The following TMEM170B variants were observed in gnomAD, a reference collection of about 807,000 sequenced individuals.
TMEM170B encodes transmembrane protein 170B.
TMEM170B carries 6 observed loss-of-function variants against 13.0 expected under a neutral mutation model. The observed-to-expected ratio is 0.46, with a 90% CI of 0.25 to 0.91. TMEM170B has a LOEUF of 0.91. Among genes scored for constraint, TMEM170B ranks in the 40% least tolerant of loss-of-function variants. The probability of loss-of-function intolerance (pLI) is 0.17; values close to 1 mark genes in which losing one functional copy is unlikely to be tolerated. For synonymous variants in TMEM170B, 61 were observed against 64.9 expected (o/e 0.94, Z 0.29); for missense variants, 138 against 165.2 (o/e 0.84, Z 0.90).
At position 11,542,489 on chromosome 6, in the gene TMEM170B, AGGACTGAGGCG is replaced by A. The variant is rs368699511; in HGVS notation, c.97+4125_97+4135del. On this transcript the variant is annotated intron_variant, in intron 1 of 2. Coordinates refer to ENST00000379426, the MANE Select transcript of TMEM170B (RefSeq NM_001100829.3). ...AAGGATATGCCGAACATCCCAAACT[AGGACTGAGGCG>A]GGACTGAGGACCATGGGAACCTCTA... Among the ~76,000 whole-genome samples the A allele has an allele frequency of 2.4e-3, 371 of 152,308 alleles. 2 individuals are homozygous for A. Among genetic ancestry groups the A allele is most frequent in the African/African-American group, 8.3e-3 (347 of 41,586 alleles).
Position 11,577,757 on chromosome 6 carries a change from A to G in TMEM170B, c.*2196A>G, listed in dbSNP as rs1480701005. ...ATTGAACGGTTAATAATTAGTTTGT[A>G]GAGTGTCCTGCAGTTATTATCAAGT... On this transcript the variant is annotated 3_prime_UTR_variant, in exon 3 of 3. Transcript: ENST00000379426. 1 of 151,954 alleles carries G rather than the reference A, an allele frequency of 6.6e-6. No individual in the cohort carries two copies. Among genetic ancestry groups the G allele is most frequent in the African/African-American group, 2.4e-5 (1 of 41,384 alleles). The allele number at this position is 151,954 out of a possible 1,614,324, so 9.4% of individuals were successfully genotyped here. A position where few individuals can be genotyped will look rare whatever the true frequency, so the allele number is the denominator to read the frequency against.
rs1759907642 is a variant in TMEM170B at position 11,578,413 on chromosome 6, C to A, written c.*2852C>A. ...ATATTGTTTATAGTGAAATCAGCTC[C>A]CCAAAGAAGGAACTCCTACATGCCC... On this transcript the variant is annotated 3_prime_UTR_variant, in exon 3 of 3. Coordinates refer to ENST00000379426, the MANE Select transcript of TMEM170B (RefSeq NM_001100829.3). 1 of 151,932 alleles carries A rather than the reference C, an allele frequency of 6.6e-6. No homozygotes were observed. Among genetic ancestry groups the A allele is most frequent in the African/African-American group, 2.4e-5 (1 of 41,356 alleles). The allele number at this position is 151,932 out of a possible 1,614,324, so 9.4% of individuals were successfully genotyped here.
chr6:11,559,970 AAAT>A (rs1056750412), intron 1 of TMEM170B, among the ~76,000 whole-genome samples: 2 of 151,856 alleles, frequency 1.3e-5, no homozygotes, highest in African/African-American at 4.8e-5. Flanking sequence ...AGGATTAAAA[AAAT>A]AGTCTAATGA....
chr6:11,561,090 G>A (rs559484827), intron 1 of TMEM170B, among the ~76,000 whole-genome samples: 2 of 152,314 alleles, frequency 1.3e-5, no homozygotes, highest in South Asian at 4.1e-4. Flanking sequence ...ATTATAGACA[G>A]TCTTGAGTGG....
chr6:11,571,460 G>A (rs1408976296), intron 2 of TMEM170B, among the ~76,000 whole-genome samples: 4 of 151,972 alleles, frequency 2.6e-5, no homozygotes, highest in Non-Finnish European at 4.4e-5. Flanking sequence ...GTTCCCCTTC[G>A]TTCTTGTAGT....
At chr6:11,554,872 G>T (rs1582141387) in intron 1 of TMEM170B, among the ~76,000 whole-genome samples, 6 of 152,196 alleles carry the variant, frequency 3.9e-5, no homozygotes, top group African/African-American at 1.4e-4. Context: ...TATTAAATGT[G>T]GTTGCCAGTT....
intron 1 of TMEM170B, among the ~76,000 whole-genome samples, chr6:11,558,636 C>T (rs16871460): frequency 0.058 from 8,794 of 152,228 alleles, 277 homozygotes; most frequent in East Asian, 0.16. Flanking sequence ...ATCGCACCTC[C>T]AACATGATTA....
chr6:11,581,056 G>C lies in TMEM170B; in HGVS notation c.*5495G>C, dbSNP rs1341331099. ...GGGGAAATAATGCTTAATATCTGAA[G>C]TATTTTCAGTAAATGTGGAGATATA... On this transcript the variant is annotated 3_prime_UTR_variant, in exon 3 of 3. Coordinates refer to ENST00000379426, the MANE Select transcript of TMEM170B (RefSeq NM_001100829.3). 6.6e-6 allele frequency: 1 copy of C among 152,100 alleles called. No homozygotes were observed. The highest frequency in any genetic ancestry group is 6.6e-5 in the Admixed American group (1 of 15,264). The allele number at this position is 152,100 out of a possible 1,614,324, so 9.4% of individuals were successfully genotyped here. A position where few individuals can be genotyped will look rare whatever the true frequency, so the allele number is the denominator to read the frequency against.
rs1447787739 is a variant in TMEM170B at position 11,576,656 on chromosome 6, A to G, written c.*1095A>G. On this transcript the variant is annotated 3_prime_UTR_variant, in exon 3 of 3. Coordinates refer to ENST00000379426, the MANE Select transcript of TMEM170B (RefSeq NM_001100829.3). ...AACAAGTAAGTTATATAGGAAGAGT[A>G]ATGAACTATTTTACTTTGGACATGT... is the stretch of plus-strand genomic sequence containing the variant. The G allele has an allele frequency of 1.3e-5, 2 of 152,178 alleles. No homozygotes were observed. The highest frequency in any genetic ancestry group is 2.4e-5 in the African/African-American group (1 of 41,450). 9.4% of individuals were successfully genotyped at this position (152,178 alleles called of 1,614,324 possible).
At chr6:11,546,602 A>C (rs1023725566) in intron 1 of TMEM170B, among the ~76,000 whole-genome samples, 14 of 152,104 alleles carry the variant, frequency 9.2e-5, no homozygotes, top group African/African-American at 2.9e-4. Flanking sequence ...TTCATTTTTT[A>C]ATCTTTTATG....
At chr6:11,553,963 A>T (rs768958018) in intron 1 of TMEM170B, among the ~76,000 whole-genome samples, 12 of 152,172 alleles carry the variant, frequency 7.9e-5, no homozygotes, top group Non-Finnish European at 1.5e-4. Context: ...CCAGTACAGC[A>T]TAATTACTTC....
intron 1 of TMEM170B, among the ~76,000 whole-genome samples, chr6:11,559,009 T>G (rs1759625704): frequency 6.6e-6 from 1 of 152,120 alleles, no homozygotes; most frequent in Non-Finnish European, 1.5e-5. Context: ...ATATTAATAT[T>G]TTTGGCTTCA....
chr6:11,554,197 A>G (rs1416371874), intron 1 of TMEM170B, among the ~76,000 whole-genome samples: 6 of 152,108 alleles, frequency 3.9e-5, no homozygotes, highest in Non-Finnish European at 7.4e-5. Context: ...TCCCATGGAA[A>G]TGTTATATTA....
chr6:11,553,252 A>C (rs1327955183), intron 1 of TMEM170B, among the ~76,000 whole-genome samples: 2 of 152,196 alleles, frequency 1.3e-5, no homozygotes, highest in Admixed American at 1.3e-4. Flanking sequence ...AAAAACAAAA[A>C]TCCACATGTA....
rs1759935111 is a variant in TMEM170B, at chr6:11,580,206, T to G, written c.*4645T>G. 1 of 152,028 alleles carries G rather than the reference T, an allele frequency of 6.6e-6. No individual in the cohort carries two copies. The highest frequency in any genetic ancestry group is 6.6e-5 in the Admixed American group (1 of 15,240). The allele number at this position is 152,028 out of a possible 1,614,324, so 9.4% of individuals were successfully genotyped here. On this transcript the variant is annotated 3_prime_UTR_variant, in exon 3 of 3. Transcript: ENST00000379426. ...GTTTTGTATTTTTAGTAGAGACAGA[T>G]TTCTCTATGTTGGTCAGGCTGGTCT...
intron 2 of TMEM170B, among the ~76,000 whole-genome samples, chr6:11,574,426 G>T (rs2113784363): frequency 6.6e-6 from 1 of 152,110 alleles, no homozygotes; most frequent in South Asian, 2.1e-4. Flanking sequence ...TTTTTTCTAA[G>T]TTGACAAGTA....
At position 11,563,387 on chromosome 6, in the gene TMEM170B, T is replaced by C. The variant is rs116475956; in HGVS notation, c.98-2279T>C. Among the ~76,000 whole-genome samples the C allele has an allele frequency of 7.1e-3, 1,076 of 152,294 alleles. 10 individuals carry two copies. Among genetic ancestry groups the C allele is most frequent in the South Asian group, 0.02 (98 of 4,828 alleles). Reference sequence around the variant, plus strand: ...TCTGTGACAAGTGATGTGTGGTTTTTTTCCCACACCAAGCAGTTCTCTAGG... The same window carrying C: ...TCTGTGACAAGTGATGTGTGGTTTTCTTCCCACACCAAGCAGTTCTCTAGG... On this transcript the variant is annotated intron_variant, in intron 1 of 2. Transcript: ENST00000379426.
intron 1 of TMEM170B, among the ~76,000 whole-genome samples, chr6:11,562,498 A>G (rs78728622): frequency 0.05 from 7,615 of 151,612 alleles, 267 homozygotes; most frequent in African/African-American, 0.094. Flanking sequence ...AAATTGCATG[A>G]GTCCATTCTA....
intron 1 of TMEM170B, among the ~76,000 whole-genome samples, chr6:11,559,428 C>A (rs948133457): frequency 6.6e-6 from 1 of 151,960 alleles, no homozygotes; most frequent in African/African-American, 2.4e-5. Context: ...TCAAACAGTC[C>A]CCCTGAGTCA....
Sources: gnomAD v4.1 joint callset for allele counts (sites outside exome capture counted in the v4.1 genomes callset) on GRCh38, gnomAD v4.1.1 for gene constraint, MANE v1.5 for transcripts, NCBI Gene and HGNC (gene_info 2026-07-23, HGNC 2026-07-21) for gene names.